Variants in ANKHD1 observed in about 807,000 individuals in gnomAD.
ANKHD1 encodes ankyrin repeat and KH domain containing 1.
In ANKHD1, 31 loss-of-function variants were observed where a neutral mutation model predicts 230.5. The ratio of observed to expected loss-of-function variants is 0.13; its 90% CI spans 0.10 to 0.18. The LOEUF (loss-of-function observed/expected upper bound fraction) is 0.18, where lower values mean the gene tolerates loss of function less well. ANKHD1 is among the 10% of genes least tolerant of loss of function. ANKHD1 has a pLI of 1.00. For synonymous variants in ANKHD1, 1,074 were observed against 1,117.6 expected, an observed-to-expected ratio of 0.96 and a Z score of 0.78; for missense variants, 2,256 against 3,071.3, an observed-to-expected ratio of 0.73 and a Z score of 6.27.
At chr5:140,402,625 C>G (rs773015562) in intron 1 of ANKHD1, among the ~76,000 whole-genome samples, 6 of 152,152 alleles carry the variant, frequency 3.9e-5, no homozygotes, top group Non-Finnish European at 8.8e-5. Flanking sequence ...CTGAGAGAGA[C>G]AAACAGAGAC....
intron 14 of ANKHD1, among the ~76,000 whole-genome samples, chr5:140,489,450 A>G (rs910901124): frequency 2.0e-5 from 3 of 152,018 alleles, no homozygotes; most frequent in African/African-American, 7.2e-5. Context: ...TGATTGTACC[A>G]CTGCACTCCA....
intron 28 of ANKHD1, 30 bp from the exon 29 acceptor site, chr5:140,528,154 G>GTTTTTT: frequency 6.6e-7 from 1 of 1,515,664 alleles, no homozygotes; most frequent in East Asian, 2.3e-5. Context: ...AATGTTTTTG[G>GTTTTTT]TCTTGTTTCT....
intron 17 of ANKHD1, 121 bp from the exon 18 acceptor site, chr5:140,505,603 C>A: frequency 7.2e-7 from 1 of 1,381,192 alleles, no homozygotes; most frequent in Non-Finnish European, 9.5e-7. Flanking sequence ...TTTATGTTAA[C>A]TCATTATCAG....
rs1159544937 is a variant in ANKHD1 at position 140,520,027 on chromosome 5, C to T, written c.4318-4039C>T. 2.6e-5 allele frequency among the ~76,000 whole-genome samples: 4 copies of T among 150,944 alleles called. No individual in the cohort carries two copies. The South Asian group carries it at 6.2e-4, about 24-fold the overall frequency. ...TGGGAGAAAATTTTCGCAACCTACT[C>T]ATCTGACAAAGGGCTAATATCCAGA... is the stretch of plus-strand genomic sequence containing the variant. On this transcript the variant is annotated intron_variant, in intron 24 of 33. Transcript: ENST00000360839.
intron 1 of ANKHD1, among the ~76,000 whole-genome samples, chr5:140,407,198 G>A (rs1770533980): frequency 6.6e-6 from 1 of 151,166 alleles, no homozygotes; most frequent in Non-Finnish European, 1.5e-5. Flanking sequence ...AGGAGGCTGA[G>A]GCAGGAGAAT....
chr5:140,490,991 C>G (rs1751746405), intron 14 of ANKHD1, among the ~76,000 whole-genome samples: 1 of 149,786 alleles, frequency 6.7e-6, no homozygotes, highest in African/African-American at 2.5e-5. Context: ...CCTGCTTCCC[C>G]CATAGATAAT....
At chr5:140,419,804 TTCTTTC>T (rs1333164029) in intron 1 of ANKHD1, among the ~76,000 whole-genome samples, 1 of 91,470 alleles carries the variant, frequency 1.1e-5, no homozygotes. Flanking sequence ...CTTTCTTTCT[TTCTTTC>T]TTTCTTTCTT....
intron 2 of ANKHD1, among the ~76,000 whole-genome samples, chr5:140,437,090 A>T (rs1405201615): frequency 1.3e-5 from 2 of 152,224 alleles, no homozygotes; most frequent in East Asian, 3.8e-4. Context: ...ATGTTTGAAC[A>T]TACATGATTG....
At chr5:140,524,011 C>G in intron 24 of ANKHD1, 55 bp from the exon 25 acceptor site, 1 of 1,507,970 alleles carries the variant, frequency 6.6e-7, no homozygotes, top group Non-Finnish European at 8.8e-7. Context: ...TCATTTCATT[C>G]TTTATTTTAC....
intron 14 of ANKHD1, among the ~76,000 whole-genome samples, chr5:140,491,158 ATATTTT>A (rs1315904577): frequency 6.0e-5 from 5 of 83,414 alleles, no homozygotes; most frequent in African/African-American, 2.6e-4. Context: ...ATATATATAT[ATATTTT>A]TTTTTTTTTT....
At chr5:140,479,798 T>C (rs1354152862) in intron 10 of ANKHD1, among the ~76,000 whole-genome samples, 2 of 149,918 alleles carry the variant, frequency 1.3e-5, no homozygotes, top group Non-Finnish European at 3.0e-5. Context: ...GTGTATATAA[T>C]GGGAATCAAT....
chr5:140,491,331 AT>A (rs1294149354), intron 14 of ANKHD1, among the ~76,000 whole-genome samples: 1 of 150,332 alleles, frequency 6.7e-6, no homozygotes. Flanking sequence ...CACTTGGCTA[AT>A]TTTTTGTATT....
At chr5:140,412,913 A>G (rs1771056715) in intron 1 of ANKHD1, among the ~76,000 whole-genome samples, 1 of 152,170 alleles carries the variant, frequency 6.6e-6, no homozygotes, top group East Asian at 1.9e-4. Flanking sequence ...GGAAGAGCAC[A>G]TTTTGCTCTT....
intron 1 of ANKHD1, among the ~76,000 whole-genome samples, chr5:140,419,780 T>TTCTTTCTTTCTC (rs1163828206): frequency 0.032 from 1,310 of 40,318 alleles, 30 homozygotes; most frequent in South Asian, 0.1. Context: ...TTCTTTTTCT[T>TTCTTTCTTTCTC]TCTTTCTTTC....
chr5:140,446,005 T>C, intron 6 of ANKHD1, 30 bp downstream of exon 6: 1 of 1,529,110 alleles, frequency 6.5e-7, no homozygotes, highest in Non-Finnish European at 8.8e-7. Context: ...ATATTTATAA[T>C]GTTTTTCGTA....
rs545135036 is a variant in ANKHD1 at position 140,436,436 on chromosome 5, A to T, written c.460+179A>T. 1.8e-4 allele frequency among the ~76,000 whole-genome samples: 28 copies of T among 152,286 alleles called. No homozygotes were observed. In the East Asian group the frequency reaches 5.0e-3, roughly 27 times the overall value. ...TTTTGTATTTCTGGGCTCAACTCAT[A>T]TATTTTTAAGGTATTAAGATAATGA... On this transcript the variant is annotated intron_variant, in intron 2 of 33. Coordinates refer to ENST00000360839, the MANE Select transcript of ANKHD1 (RefSeq NM_017747.3).
At position 140,529,432 on chromosome 5, in the gene ANKHD1, G is replaced by C; in HGVS notation, c.6486G>C (p.Thr2162=). 6.2e-7 allele frequency: 1 copy of C among 1,614,100 alleles called. No homozygotes were observed. Among genetic ancestry groups the C allele is most frequent in the Non-Finnish European group, 8.5e-7 (1 of 1,180,032 alleles). ...AGGATCCCCAGTCTATTTTTGTTAC[G>C]AATCCAGTTACTTTAACACCACCTC... ...IHQDPQSIFV[T]NPVTLTPPQG... is the part of the protein sequence containing the mutation. The change falls in exon 29 of 34, where the codon ACG becomes ACC. Residue 2162 remains threonine (T), a synonymous_variant. Transcript: ENST00000360839.
At chr5:140,482,875 T>A (rs1308917021) in intron 11 of ANKHD1, among the ~76,000 whole-genome samples, 1 of 152,204 alleles carries the variant, frequency 6.6e-6, no homozygotes, top group African/African-American at 2.4e-5. Context: ...TAAGTTTTCA[T>A]CAACAAAGCA....
At chr5:140,411,618 C>G (rs1228001436) in intron 1 of ANKHD1, among the ~76,000 whole-genome samples, 2 of 149,860 alleles carry the variant, frequency 1.3e-5, no homozygotes, top group African/African-American at 4.9e-5. Context: ...CTCCCGAGTT[C>G]AAGCAATTCT....
Sources: gnomAD v4.1 joint callset for allele counts (sites outside exome capture counted in the v4.1 genomes callset) on GRCh38, gnomAD v4.1.1 for gene constraint, MANE v1.5 for transcripts, NCBI Gene and HGNC (gene_info 2026-07-23, HGNC 2026-07-21) for gene names.